Variants in PDE4D observed in about 807,000 individuals in gnomAD.
PDE4D encodes the protein 3',5'-cyclic-AMP phosphodiesterase 4D.
In PDE4D, 24 loss-of-function variants were observed where a neutral mutation model predicts 87.4. The observed-to-expected ratio is 0.27, with a 90% CI of 0.20 to 0.39. The LOEUF is 0.39. Ranked by LOEUF, PDE4D falls within the 10% of genes least tolerant of loss-of-function variation. The pLI is 1.00. For missense variants in PDE4D, 714 were observed against 1,041.0 expected (o/e 0.69, Z 4.32); for synonymous variants, 384 against 383.2 (o/e 1.00, Z -0.02).
chr5:59,565,214 G>A (rs1820679796), intron 1 of PDE4D, among the ~76,000 whole-genome samples: 1 of 152,030 alleles, frequency 6.6e-6, no homozygotes, highest in Admixed American at 6.6e-5. Context: ...CTGGAGGCCT[G>A]TACACTATTT....
At chr5:60,217,724 GAAAATAGCTAA>G (rs941808675) in intron 1 of PDE4D, among the ~76,000 whole-genome samples, 2 of 151,624 alleles carry the variant, frequency 1.3e-5, no homozygotes, top group African/African-American at 4.8e-5. Flanking sequence ...ACAATTAAAG[GAAAATAGCTAA>G]AAAATTTGAA....
chr5:58,989,390 A>C (rs1747323109), intron 10 of PDE4D, among the ~76,000 whole-genome samples: 1 of 152,146 alleles, frequency 6.6e-6, no homozygotes, highest in South Asian at 2.1e-4. Flanking sequence ...AAAAAATATC[A>C]ATATATTGCT....
chr5:59,856,623 A>C (rs1237603772), intron 1 of PDE4D, among the ~76,000 whole-genome samples: 1 of 152,172 alleles, frequency 6.6e-6, no homozygotes, highest in African/African-American at 2.4e-5. Flanking sequence ...CTCATCACTG[A>C]ATTTTGCATT....
At chr5:60,226,269 G>T (rs950000956) in intron 1 of PDE4D, among the ~76,000 whole-genome samples, 1 of 152,100 alleles carries the variant, frequency 6.6e-6, no homozygotes, top group South Asian at 2.1e-4. Flanking sequence ...TTATATCCAT[G>T]TCACATATGG....
In PDE4D at chr5:59,579,670, G is replaced by A. The variant is rs767406961; in HGVS notation, c.455+313498C>T. ...TTTGAACAGGGCTCAACAATGCCCC[G>A]CAGAGATGGTGAATAGAGCTGAATT... is the stretch of plus-strand genomic sequence containing the variant. On this transcript the variant is annotated intron_variant, in intron 1 of 14. Transcript: ENST00000340635. Among the ~76,000 whole-genome samples the A allele has an allele frequency of 7.2e-4, 110 of 152,282 alleles. 1 individual carries two copies. Among genetic ancestry groups the A allele is most frequent in the Admixed American group, 1.7e-3 (26 of 15,282 alleles).
At position 60,382,460 on chromosome 5, in the gene PDE4D, C is replaced by T. The variant is rs16877968; in HGVS notation, c.-90+105482G>A. On this transcript the variant is annotated intron_variant, in intron 1 of 16. Coordinates refer to the PDE4D transcript ENST00000502484. ...AAACAGAGCTAGACACCAAGAGCATCGGACTCAACTCAAGCCACTCACTTT... is the reference window on the plus strand; with the variant it reads ...AAACAGAGCTAGACACCAAGAGCATTGGACTCAACTCAAGCCACTCACTTT... 5.1e-3 allele frequency among the ~76,000 whole-genome samples: 783 copies of T among 152,272 alleles called. 6 individuals are homozygous for T. The highest frequency in any genetic ancestry group is 0.017 in the African/African-American group (714 of 41,552).
chr5:60,061,553 A>T (rs549426285), intron 2 of PDE4D, among the ~76,000 whole-genome samples: 4 of 152,154 alleles, frequency 2.6e-5, no homozygotes, highest in Non-Finnish European at 5.9e-5. Context: ...ACTACCATTG[A>T]CTTTCTTCAC....
intron 4 of PDE4D, among the ~76,000 whole-genome samples, chr5:59,184,842 C>T (rs749779685): frequency 2.6e-5 from 4 of 152,074 alleles, no homozygotes; most frequent in Non-Finnish European, 5.9e-5. Flanking sequence ...TGACTTTCAG[C>T]TGATCTTAAG....
chr5:59,135,713 G>A (rs1197773784), intron 5 of PDE4D, among the ~76,000 whole-genome samples: 1 of 132,654 alleles, frequency 7.5e-6, no homozygotes, highest in Non-Finnish European at 1.6e-5. Flanking sequence ...GCAGATGATA[G>A]GGACATCATT....
chr5:59,275,660 T>G (rs1764663340), intron 1 of PDE4D: 5 of 1,183,964 alleles, frequency 4.2e-6, no homozygotes, highest in Non-Finnish European at 5.2e-6. Flanking sequence ...CTTCTGTGTC[T>G]TGCAATGCCA....
At chr5:59,484,137 C>T (rs1341559004) in intron 1 of PDE4D, among the ~76,000 whole-genome samples, 1 of 152,126 alleles carries the variant, frequency 6.6e-6, no homozygotes, top group African/African-American at 2.4e-5. Flanking sequence ...CTGAGAATCC[C>T]AACTATGTAA....
intron 1 of PDE4D, chr5:60,521,887 C>T (rs747946497): frequency 1.3e-5 from 2 of 151,852 alleles, no homozygotes; most frequent in Non-Finnish European, 2.9e-5. Flanking sequence ...TTTTGAACTC[C>T]TGAGTCCTTG....
chr5:59,061,763 A>C (rs1284235072), intron 5 of PDE4D, among the ~76,000 whole-genome samples: 1 of 152,154 alleles, frequency 6.6e-6, no homozygotes, highest in Non-Finnish European at 1.5e-5. Context: ...TGGGAAAAAA[A>C]ATTGCAACTG....
chr5:59,491,267 G>A (rs1806132247), intron 1 of PDE4D, among the ~76,000 whole-genome samples: 1 of 152,078 alleles, frequency 6.6e-6, no homozygotes, highest in Admixed American at 6.6e-5. Flanking sequence ...TACTTCCAGG[G>A]GAGGGTTCAG....
chr5:59,411,009 A>G (rs79421244), intron 1 of PDE4D, among the ~76,000 whole-genome samples: 7,618 of 152,206 alleles, frequency 0.05, 315 homozygotes, highest in South Asian at 0.21. Context: ...GACTTCTCTT[A>G]TTTATTTTTA....
chr5:60,101,802 G>A (rs901278088), intron 2 of PDE4D, among the ~76,000 whole-genome samples: 1 of 152,154 alleles, frequency 6.6e-6, no homozygotes, highest in Non-Finnish European at 1.5e-5. Flanking sequence ...AGATGAGGTT[G>A]TGAATTTATG....
rs1824141012 is a variant in PDE4D at position 59,581,465 on chromosome 5, G to T, written c.455+311703C>A. Among the ~76,000 whole-genome samples the T allele has an allele frequency of 2.6e-5, 4 of 152,158 alleles. No individual in the cohort carries two copies. In the South Asian group the frequency reaches 8.3e-4, roughly 31 times the overall value. The stretch of plus-strand genomic sequence containing the variant: ...GAAGCTAAAACATCATACATTGTTA[G>T]TAAATAATTTTCATATGATGAGGAA... On this transcript the variant is annotated intron_variant, in intron 1 of 14. Transcript: ENST00000340635.
At chr5:59,743,945 TGACA>T (rs1561578404) in intron 1 of PDE4D, among the ~76,000 whole-genome samples, 1 of 152,096 alleles carries the variant, frequency 6.6e-6, no homozygotes, top group African/African-American at 2.4e-5. Context: ...AAACAAAAGA[TGACA>T]GACAGATCGA....
chr5:59,641,869 C>T (rs1396738809), intron 1 of PDE4D, among the ~76,000 whole-genome samples: 1 of 152,100 alleles, frequency 6.6e-6, no homozygotes, highest in East Asian at 1.9e-4. Flanking sequence ...TTCCTTGTAA[C>T]TATTGCAATA....
Sources: allele counts gnomAD v4.1 joint callset (sites outside exome capture counted in the v4.1 genomes callset), GRCh38; gene constraint gnomAD v4.1.1; transcripts MANE v1.5; gene names NCBI Gene and HGNC (gene_info 2026-07-23, HGNC 2026-07-21).